Variants in SLC4A7 observed in about 807,000 individuals in gnomAD.
The protein encoded by SLC4A7 is solute carrier family 4 member 7, also known as sodium bicarbonate cotransporter 3.
Under a neutral mutation model 137.6 loss-of-function variants are expected in SLC4A7, and 51 were observed. That is an observed-to-expected ratio of 0.37 (90% CI 0.30 to 0.47). The LOEUF (loss-of-function observed/expected upper bound fraction) is 0.47, where lower values mean the gene tolerates loss of function less well. Among genes scored for constraint, SLC4A7 ranks in the 20% least tolerant of loss-of-function variants. The pLI is 1.00. For missense variants in SLC4A7, 1,247 were observed against 1,525.4 expected, an observed-to-expected ratio of 0.82 and a Z score of 3.04; for synonymous variants, 542 against 518.6, an observed-to-expected ratio of 1.05 and a Z score of -0.61.
intron 8 of SLC4A7, chr3:27,422,962 T>C (rs1013872054): frequency 3.1e-5 from 10 of 318,396 alleles, no homozygotes; most frequent in African/African-American, 2.1e-4. Flanking sequence ...ATAATGTAAA[T>C]TATATTAATT....
intron 1 of SLC4A7, chr3:27,456,884 A>G (rs1361529626): frequency 5.9e-6 from 8 of 1,364,012 alleles, no homozygotes; most frequent in Non-Finnish European, 7.5e-6. Flanking sequence ...ACACAGGGTC[A>G]CAGCATAACA....
At chr3:27,412,804 C>T (rs2054034424) in intron 11 of SLC4A7, among the ~76,000 whole-genome samples, 1 of 151,462 alleles carries the variant, frequency 6.6e-6, no homozygotes, top group Non-Finnish European at 1.5e-5. Context: ...ACTTTTGTGC[C>T]AACCTAATAA....
intron 24 of SLC4A7, among the ~76,000 whole-genome samples, chr3:27,381,530 A>G (rs995475841): frequency 9.9e-5 from 15 of 152,250 alleles, no homozygotes; most frequent in Non-Finnish European, 2.2e-4. Context: ...TTTGAGGGAA[A>G]CATTAATACA....
chr3:27,462,961 AC>A (rs1188874456), intron 1 of SLC4A7: 2 of 152,322 alleles, frequency 1.3e-5, no homozygotes, highest in African/African-American at 4.8e-5. Flanking sequence ...AGTTACAATT[AC>A]AAAGTCCCAT....
intron 18 of SLC4A7, among the ~76,000 whole-genome samples, chr3:27,395,548 T>A (rs941401726): frequency 5.9e-5 from 9 of 152,172 alleles, no homozygotes; most frequent in Admixed American, 2.6e-4. Context: ...ATCCTCAATA[T>A]AGTCTATATG....
chr3:27,429,326 T>A (rs74570847), intron 7 of SLC4A7, among the ~76,000 whole-genome samples: 4,656 of 149,406 alleles, frequency 0.031, 247 homozygotes, highest in African/African-American at 0.11. Flanking sequence ...TTTTTGCTAA[T>A]TTTGCACATA....
rs1173317002 is a variant in SLC4A7 at position 27,445,365 on chromosome 3, G to A, written c.289+3286C>T. Among the ~76,000 whole-genome samples, 5 of 151,978 alleles carry A rather than the reference G, an allele frequency of 3.3e-5. No individual in the cohort carries two copies. In the South Asian group the frequency reaches 1.0e-3, roughly 32 times the overall value. On this transcript the variant is annotated intron_variant, in intron 3 of 25. Transcript: ENST00000454389. ...CTCCTCAACTCTAGGCTCTGTTTGG[G>A]TTCCCCTCCCTGTGCTGTGGCCTGG...
At chr3:27,478,602 A>G (rs1392763812) in intron 1 of SLC4A7, among the ~76,000 whole-genome samples, 1 of 152,036 alleles carries the variant, frequency 6.6e-6, no homozygotes. Context: ...TTGATACTGA[A>G]AACTGCTTAA....
intron 7 of SLC4A7, chr3:27,424,593 AAAAAG>A (rs1258021430): frequency 1.3e-5 from 2 of 152,642 alleles, no homozygotes; most frequent in African/African-American, 4.8e-5. Context: ...GTAACTCAGA[AAAAAG>A]CTACACTAAC....
At chr3:27,381,976 C>T (rs533729344) in intron 24 of SLC4A7, among the ~76,000 whole-genome samples, 1 of 152,134 alleles carries the variant, frequency 6.6e-6, no homozygotes, top group Admixed American at 6.5e-5. Flanking sequence ...GTAATCCCAA[C>T]TACTCGGGAG....
rs2150001389 is a variant in SLC4A7, at chr3:27,379,295, G to A, written c.3652C>T (p.Leu1218Phe). The change falls in exon 25 of 26, where the codon CTT becomes TTT. Residue 1218 changes from leucine to phenylalanine, a missense_variant. Physicochemically the swap from Leu to Phe is conservative, Grantham distance 22. Transcript: ENST00000454389. ...EMAKTAQWKA[L>F]SMNTENAKVT... Reference sequence around the variant, plus strand: ...TTGGCATTCTCAGTATTCATGGAAAGTGCCTTCCACTGTGCAGTTTTGGCC... The same window carrying A: ...TTGGCATTCTCAGTATTCATGGAAAATGCCTTCCACTGTGCAGTTTTGGCC... 1 of 1,535,682 alleles carries A rather than the reference G, an allele frequency of 6.5e-7. No homozygotes were observed. The highest frequency in any genetic ancestry group is 1.2e-5 in the South Asian group (1 of 84,032).
chr3:27,481,247 G>A (rs1435094223), intron 1 of SLC4A7, among the ~76,000 whole-genome samples: 2 of 134,408 alleles, frequency 1.5e-5, no homozygotes, highest in African/African-American at 4.9e-5. Context: ...CAAAAGACAA[G>A]TTACATTTTT....
At chr3:27,458,499 A>G (rs1338801503) in intron 1 of SLC4A7, among the ~76,000 whole-genome samples, 2 of 152,242 alleles carry the variant, frequency 1.3e-5, no homozygotes, top group African/African-American at 2.4e-5. Flanking sequence ...CAGAAATCCC[A>G]ATAACACCAA....
chr3:27,387,639 C>A (rs1356617443), intron 22 of SLC4A7, among the ~76,000 whole-genome samples: 3 of 152,158 alleles, frequency 2.0e-5, no homozygotes, highest in Non-Finnish European at 4.4e-5. Flanking sequence ...TCCCTTAATA[C>A]TGTTATTGAT....
chr3:27,405,039 A>C, intron 13 of SLC4A7, 76 bp from the exon 14 acceptor site: 1 of 983,362 alleles, frequency 1.0e-6, no homozygotes, highest in Middle Eastern at 2.4e-4. Flanking sequence ...TACATGTAAG[A>C]CATCTGGAAA....
In SLC4A7 at chr3:27,431,449, G is replaced by T; in HGVS notation, c.999C>A (p.Ser333=). ...PSISRLTSRS[S]QESQRQAPEL... ...CTGGGGCCTGACGCTGACTCTCTTG[G>T]GAACTTCTGGAGGTCAGGCGGCTGA... The change falls in exon 7 of 26, where the codon TCC becomes TCA. Residue 333 remains serine (S), a synonymous_variant. Transcript: ENST00000454389. The T allele has an allele frequency of 1.9e-6, 3 of 1,614,132 alleles. No individual in the cohort carries two copies. The highest frequency in any genetic ancestry group is 2.5e-6 in the Non-Finnish European group (3 of 1,179,976).
chr3:27,400,810 T>A lies in SLC4A7; in HGVS notation c.2381A>T (p.Asp794Val), dbSNP rs774240208. The change falls in exon 16 of 26, where the codon GAT becomes GTT. Residue 794 changes from aspartate (D) to valine (V), a missense_variant. Transcript: ENST00000454389. Reference protein sequence around the residue: ...SNETLAQWKKDNITAHNISWR... With the variant: ...SNETLAQWKKVNITAHNISWR... ...GGAAATATTGTGTGCTGTTATATTA[T>A]CTTTCTTCCATTGTGCTAGAGTTTC... The A allele has an allele frequency of 6.2e-7, 1 of 1,608,766 alleles. No homozygotes were observed. Among genetic ancestry groups the A allele is most frequent in the South Asian group, 1.1e-5 (1 of 90,948 alleles).
At chr3:27,400,414 T>C (rs1370976956) in intron 16 of SLC4A7, among the ~76,000 whole-genome samples, 1 of 152,176 alleles carries the variant, frequency 6.6e-6, no homozygotes, top group Non-Finnish European at 1.5e-5. Context: ...ATATAAAATA[T>C]TGTAAAGGAC....
chr3:27,426,625 T>C (rs951069298), intron 7 of SLC4A7, among the ~76,000 whole-genome samples: 3 of 152,186 alleles, frequency 2.0e-5, no homozygotes, highest in African/African-American at 7.2e-5. Flanking sequence ...AGTAAGGATA[T>C]GCCAGCAATG....
Sources: gnomAD v4.1 joint callset for allele counts (sites outside exome capture counted in the v4.1 genomes callset) on GRCh38, gnomAD v4.1.1 for gene constraint, MANE v1.5 for transcripts, NCBI Gene and HGNC (gene_info 2026-07-23, HGNC 2026-07-21) for gene names.